The following KCNH8 variants were observed in gnomAD, a reference collection of about 807,000 sequenced individuals.
KCNH8 encodes voltage-gated delayed rectifier potassium channel KCNH8.
In KCNH8, 70 loss-of-function variants were observed where a neutral mutation model predicts 103.6. The observed-to-expected ratio is 0.68, with a 90% CI of 0.56 to 0.82. The LOEUF (loss-of-function observed/expected upper bound fraction) is 0.82. Among genes scored for constraint, KCNH8 ranks in the 40% least tolerant of loss-of-function variants. KCNH8 has a pLI of 0.00. For synonymous variants in KCNH8, 498 were observed against 489.4 expected (o/e 1.02, Z -0.23); for missense variants, 1,217 against 1,329.9 (o/e 0.92, Z 1.32).
At chr3:19,316,441 G>A (rs1483069321) in intron 3 of KCNH8, among the ~76,000 whole-genome samples, 2 of 152,024 alleles carry the variant, frequency 1.3e-5, no homozygotes, top group African/African-American at 4.8e-5. Context: ...AATAGAAGCA[G>A]GATCTTATTA....
intron 15 of KCNH8, among the ~76,000 whole-genome samples, 188 bp downstream of exon 15, chr3:19,518,262 CCA>C (rs2068909801): frequency 6.6e-6 from 1 of 152,040 alleles, no homozygotes; most frequent in African/African-American, 2.4e-5. Flanking sequence ...CTCTCAAGCT[CCA>C]CTTCCCCATG....
intron 7 of KCNH8, among the ~76,000 whole-genome samples, chr3:19,398,208 C>A (rs2066554196): frequency 6.6e-6 from 1 of 151,592 alleles, no homozygotes; most frequent in Admixed American, 6.6e-5. Context: ...CTGGGGATAC[C>A]AAAACAAATA....
At chr3:19,335,788 A>G (rs940297431) in intron 3 of KCNH8, among the ~76,000 whole-genome samples, 7 of 151,672 alleles carry the variant, frequency 4.6e-5, no homozygotes, top group African/African-American at 1.4e-4. Context: ...CCCTCAAAGT[A>G]TTCATTAAAT....
At chr3:19,439,435 G>C (rs1481301257) in intron 8 of KCNH8, among the ~76,000 whole-genome samples, 1 of 152,174 alleles carries the variant, frequency 6.6e-6, no homozygotes, top group East Asian at 1.9e-4. Context: ...AACGTGAGGA[G>C]AGATGGGAAG....
intron 1 of KCNH8, among the ~76,000 whole-genome samples, chr3:19,214,523 C>T (rs1373504841): frequency 6.6e-6 from 1 of 152,198 alleles, no homozygotes; most frequent in Admixed American, 6.5e-5. Context: ...AAGGCAAGGA[C>T]AATTCTGTGG....
At chr3:19,463,136 C>G (rs2067667787) in intron 11 of KCNH8, among the ~76,000 whole-genome samples, 1 of 152,096 alleles carries the variant, frequency 6.6e-6, no homozygotes, top group Non-Finnish European at 1.5e-5. Context: ...GGAGGATGTG[C>G]ATAGGTTATA....
intron 8 of KCNH8, 149 bp from the exon 9 acceptor site, chr3:19,449,956 CA>C: frequency 1.6e-6 from 1 of 643,590 alleles, no homozygotes; most frequent in Non-Finnish European, 2.7e-6. Flanking sequence ...CTGTCTGTAC[CA>C]AAATGCTTGT....
chr3:19,257,053 G>T (rs2125255486), intron 2 of KCNH8, among the ~76,000 whole-genome samples: 1 of 152,144 alleles, frequency 6.6e-6, no homozygotes, highest in African/African-American at 2.4e-5. Flanking sequence ...AATACTTGCT[G>T]AAGGGAATTG....
At chr3:19,163,458 T>A (rs2063253551) in intron 1 of KCNH8, among the ~76,000 whole-genome samples, 1 of 152,080 alleles carries the variant, frequency 6.6e-6, no homozygotes. Flanking sequence ...ATTTATACCT[T>A]ATTTTATACT....
At chr3:19,432,103 C>T (rs773180054) in intron 7 of KCNH8, among the ~76,000 whole-genome samples, 49 of 152,184 alleles carry the variant, frequency 3.2e-4, no homozygotes, top group Non-Finnish European at 5.4e-4. Context: ...ACCCAGTGAA[C>T]TCTTTAACAG....
chr3:19,206,476 G>A (rs78447353), intron 1 of KCNH8, among the ~76,000 whole-genome samples: 13,309 of 151,640 alleles, frequency 0.088, 1,975 homozygotes, highest in African/African-American at 0.3. Flanking sequence ...TGAAATTTCA[G>A]GAAGCTTGAA....
chr3:19,374,957 G>C lies in KCNH8; in HGVS notation c.812-15524G>C, dbSNP rs564432930. On this transcript the variant is annotated intron_variant, in intron 5 of 15. Coordinates refer to ENST00000328405, the MANE Select transcript of KCNH8 (RefSeq NM_144633.3). ...CCCCCACTCTCTTCTGGCTTGTAGG[G>C]TTTCTGCCGAGAGATCCGCTGTTAG... is the stretch of plus-strand genomic sequence containing the variant. Among the ~76,000 whole-genome samples, 128 of 152,060 alleles carry C rather than the reference G, an allele frequency of 8.4e-4. 1 individual carries two copies. The highest frequency in any genetic ancestry group is 3.0e-3 in the African/African-American group (124 of 41,452).
intron 2 of KCNH8, among the ~76,000 whole-genome samples, chr3:19,261,680 T>C (rs775989113): frequency 5.3e-5 from 8 of 152,026 alleles, no homozygotes; most frequent in Non-Finnish European, 1.0e-4. Context: ...AAGACCAATG[T>C]CTTGGAGAGG....
intron 1 of KCNH8, among the ~76,000 whole-genome samples, chr3:19,238,748 A>G (rs1266043687): frequency 6.6e-6 from 1 of 152,236 alleles, no homozygotes; most frequent in Non-Finnish European, 1.5e-5. Flanking sequence ...ATATCATAAA[A>G]TACACATTTT....
chr3:19,372,450 G>C (rs982684217), intron 5 of KCNH8, among the ~76,000 whole-genome samples: 1 of 150,628 alleles, frequency 6.6e-6, no homozygotes, highest in Non-Finnish European at 1.5e-5. Flanking sequence ...TGTGATTTTT[G>C]TACATTGATT....
chr3:19,198,467 G>A (rs2063624109), intron 1 of KCNH8, among the ~76,000 whole-genome samples: 1 of 152,006 alleles, frequency 6.6e-6, no homozygotes. Context: ...AGTCACAGAG[G>A]TCCATCCTGC....
intron 8 of KCNH8, among the ~76,000 whole-genome samples, chr3:19,447,798 G>T (rs1269484338): frequency 6.6e-6 from 1 of 151,932 alleles, no homozygotes; most frequent in Non-Finnish European, 1.5e-5. Flanking sequence ...CCTCTATTTA[G>T]AATCTACAAA....
chr3:19,485,517 A>C (rs2068186341), intron 11 of KCNH8, among the ~76,000 whole-genome samples: 1 of 152,204 alleles, frequency 6.6e-6, no homozygotes, highest in Admixed American at 6.5e-5. Flanking sequence ...TTGACCTTAG[A>C]TGAGTAGTTT....
chr3:19,391,673 ATTCTTT>A (rs963114084), intron 6 of KCNH8: 9 of 152,056 alleles, frequency 5.9e-5, no homozygotes, highest in African/African-American at 1.9e-4. Context: ...GTTTCTTTTT[ATTCTTT>A]TTCTTTTTAA....
Sources: allele counts gnomAD v4.1 joint callset (sites outside exome capture counted in the v4.1 genomes callset), GRCh38; gene constraint gnomAD v4.1.1; transcripts MANE v1.5; gene names NCBI Gene and HGNC (gene_info 2026-07-23, HGNC 2026-07-21).